Variants in CREM observed in about 807,000 individuals in gnomAD.
The protein encoded by CREM is cAMP responsive element modulator.
In CREM, 13 loss-of-function variants were observed where a neutral mutation model predicts 37.3. That is an observed-to-expected ratio of 0.35 (90% CI 0.23 to 0.55). The LOEUF is 0.55. Ranked by LOEUF, CREM falls within the 20% of genes least tolerant of loss-of-function variation. The pLI, the probability that CREM is intolerant of heterozygous loss-of-function variation, is 0.88. For synonymous variants in CREM, 124 were observed against 120.2 expected (o/e 1.03, Z -0.21); for missense variants, 296 against 362.3 (o/e 0.82, Z 1.49).
At chr10:35,195,341 T>A (rs964193164) in intron 6 of CREM, 7 of 987,902 alleles carry the variant, frequency 7.1e-6, no homozygotes, top group African/African-American at 1.7e-5. Context: ...AAGACTTTTT[T>A]TGAAATATAC....
chr10:35,144,952 G>T (rs2091895301), intron 2 of CREM, among the ~76,000 whole-genome samples: 1 of 151,802 alleles, frequency 6.6e-6, no homozygotes, highest in Non-Finnish European at 1.5e-5. Context: ...TTGAGGCCAG[G>T]AGTTGGAGAC....
chr10:35,152,945 T>C (rs2092685346), intron 3 of CREM, among the ~76,000 whole-genome samples: 1 of 152,214 alleles, frequency 6.6e-6, no homozygotes, highest in South Asian at 2.1e-4. Flanking sequence ...TAGTAATTAT[T>C]AAGATTTTGC....
chr10:35,181,518 G>A (rs116264253), intron 5 of CREM, among the ~76,000 whole-genome samples: 1 of 152,132 alleles, frequency 6.6e-6, no homozygotes, highest in Non-Finnish European at 1.5e-5. Context: ...GTGTCTGTGG[G>A]GGGGATGAGA....
chr10:35,193,482 T>G (rs2095005411), intron 6 of CREM, among the ~76,000 whole-genome samples: 1 of 152,218 alleles, frequency 6.6e-6, no homozygotes, highest in Non-Finnish European at 1.5e-5. Context: ...TAAAATTTAC[T>G]AATAGCATTC....
intron 3 of CREM, among the ~76,000 whole-genome samples, chr10:35,178,264 T>G (rs2094186595): frequency 6.6e-6 from 1 of 152,250 alleles, no homozygotes; most frequent in Non-Finnish European, 1.5e-5. Context: ...AAATCATGCT[T>G]AAAACTCTGA....
chr10:35,159,330 A>G (rs1217113580), intron 3 of CREM, among the ~76,000 whole-genome samples: 1 of 152,182 alleles, frequency 6.6e-6, no homozygotes, highest in Non-Finnish European at 1.5e-5. Flanking sequence ...AAAATATACT[A>G]TAGAGCTATA....
At chr10:35,205,025 T>C (rs1261566006) in intron 6 of CREM, among the ~76,000 whole-genome samples, 1 of 152,232 alleles carries the variant, frequency 6.6e-6, no homozygotes, top group Non-Finnish European at 1.5e-5. Flanking sequence ...TTGATAACTT[T>C]TTAAAAAATC....
intron 3 of CREM, among the ~76,000 whole-genome samples, chr10:35,166,622 G>A (rs997369588): frequency 6.6e-6 from 1 of 151,652 alleles, no homozygotes; most frequent in Non-Finnish European, 1.5e-5. Flanking sequence ...CCAGCCACTC[G>A]GGAGTTTGAG....
intron 2 of CREM, among the ~76,000 whole-genome samples, chr10:35,140,204 A>G (rs1002705765): frequency 6.6e-6 from 1 of 152,208 alleles, no homozygotes; most frequent in Admixed American, 6.5e-5. Flanking sequence ...ACACCGTGCT[A>G]GGTACTCTGG....
chr10:35,163,396 A>T lies in CREM; in HGVS notation c.168+14905A>T, dbSNP rs990549674. Among the ~76,000 whole-genome samples, 11 of 151,112 alleles carry T rather than the reference A, an allele frequency of 7.3e-5. 1 individual carries two copies. The East Asian group carries it at 1.4e-3, about 19-fold the overall frequency. ...GGGCTTGTTTACTGCTTCATACATA[A>T]AAAGAGGCCAGGTATGATGGCTCAT... On this transcript the variant is annotated intron_variant, in intron 3 of 7. Coordinates refer to ENST00000685392, the MANE Select transcript of CREM (RefSeq NM_183011.2).
chr10:35,169,814 T>C (rs898352577), intron 3 of CREM, among the ~76,000 whole-genome samples: 8 of 152,294 alleles, frequency 5.3e-5, no homozygotes, highest in African/African-American at 1.9e-4. Context: ...GGCTGTTGAA[T>C]TTTGTCAAAG....
At chr10:35,165,954 CTTGCT>C (rs1469822920) in intron 3 of CREM, among the ~76,000 whole-genome samples, 2 of 152,124 alleles carry the variant, frequency 1.3e-5, no homozygotes, top group Non-Finnish European at 2.9e-5. Flanking sequence ...AATTATAACA[CTTGCT>C]TTGCTTTCAA....
At chr10:35,175,997 C>A in intron 3 of CREM, 1 of 1,550,032 alleles carries the variant, frequency 6.5e-7, no homozygotes, top group Non-Finnish European at 8.7e-7. Flanking sequence ...ACACACCGTT[C>A]AGGTTAGCTT....
At chr10:35,189,065 A>G (rs776120702) in intron 6 of CREM, among the ~76,000 whole-genome samples, 3 of 152,160 alleles carry the variant, frequency 2.0e-5, no homozygotes, top group Admixed American at 6.5e-5. Flanking sequence ...ATCTATGACA[A>G]TTTAAGTATT....
At chr10:35,203,936 A>G (rs2384353) in intron 6 of CREM, among the ~76,000 whole-genome samples, 20,611 of 152,100 alleles carry the variant, frequency 0.14, 1,586 homozygotes, top group South Asian at 0.2. Flanking sequence ...GCATGTGTCA[A>G]CCTGGTGTCA....
At chr10:35,191,619 A>G (rs1181214241) in intron 6 of CREM, among the ~76,000 whole-genome samples, 2 of 152,022 alleles carry the variant, frequency 1.3e-5, no homozygotes, top group African/African-American at 2.4e-5. Flanking sequence ...CTGATGCCTC[A>G]GCAGTATTTA....
chr10:35,149,582 G>A (rs151012725), intron 3 of CREM, among the ~76,000 whole-genome samples: 48 of 152,288 alleles, frequency 3.2e-4, no homozygotes, highest in East Asian at 1.4e-3. Flanking sequence ...TGGAGTCAAA[G>A]TAGCGTGAGA....
intron 6 of CREM, among the ~76,000 whole-genome samples, chr10:35,202,968 G>T (rs2095421310): frequency 6.6e-6 from 1 of 152,132 alleles, no homozygotes; most frequent in Non-Finnish European, 1.5e-5. Context: ...CTTGAGGGTG[G>T]TTGTTGCTTC....
chr10:35,128,885 C>A (rs1350028028), intron 1 of CREM, among the ~76,000 whole-genome samples: 1 of 152,078 alleles, frequency 6.6e-6, no homozygotes, highest in Non-Finnish European at 1.5e-5. Flanking sequence ...TCATAGTAGT[C>A]TTAAAGTCTT....
Sources: allele counts gnomAD v4.1 joint callset (sites outside exome capture counted in the v4.1 genomes callset), GRCh38; gene constraint gnomAD v4.1.1; transcripts MANE v1.5; gene names NCBI Gene and HGNC (gene_info 2026-07-23, HGNC 2026-07-21).